The following TESPA1 variants were observed in gnomAD, a reference collection of about 807,000 sequenced individuals.
TESPA1 encodes the protein protein TESPA1.
A neutral mutation model predicts 57.9 loss-of-function variants in TESPA1; 33 were observed. That is an observed-to-expected ratio of 0.57 (90% CI 0.43 to 0.76). The LOEUF (loss-of-function observed/expected upper bound fraction) is 0.76, where lower values mean the gene tolerates loss of function less well. Among genes scored for constraint, TESPA1 ranks in the 30% least tolerant of loss-of-function variants. The probability of loss-of-function intolerance (pLI) is 0.00; values close to 1 mark genes in which losing one functional copy is unlikely to be tolerated. For missense variants in TESPA1, 618 were observed against 632.9 expected, an observed-to-expected ratio of 0.98 and a Z score of 0.25; for synonymous variants, 227 against 228.9, an observed-to-expected ratio of 0.99 and a Z score of 0.07.
At chr12:54,975,041 G>T (rs1277046173) in intron 1 of TESPA1, among the ~76,000 whole-genome samples, 1 of 151,900 alleles carries the variant, frequency 6.6e-6, no homozygotes, top group African/African-American at 2.4e-5. Context: ...TCCTCATCAA[G>T]ACATATGAAA....
rs189394745 is a variant in TESPA1 at position 54,949,447 on chromosome 12, G to A, written c.*945C>T. ...CCAAATAATATACTTCTGGAAATGCGTGCATCTTACTTCTCCCATTCTATT... is the reference window on the plus strand; with the variant it reads ...CCAAATAATATACTTCTGGAAATGCATGCATCTTACTTCTCCCATTCTATT... On this transcript the variant is annotated 3_prime_UTR_variant, in exon 11 of 11. Coordinates refer to ENST00000449076, the MANE Select transcript of TESPA1 (RefSeq NM_001136030.3). 8.7e-5 allele frequency: 13 copies of A among 148,736 alleles called. No homozygotes were observed. In the East Asian group the frequency reaches 1.2e-3, roughly 13 times the overall value. The allele number at this position is 148,736 out of a possible 1,614,324, so 9.2% of individuals were successfully genotyped here.
Position 54,974,523 on chromosome 12 carries a change from G to A in TESPA1, c.40C>T (p.Arg14Trp), listed in dbSNP as rs760153858. The A allele has an allele frequency of 7.5e-6, 12 of 1,600,092 alleles. No individual in the cohort carries two copies. Among genetic ancestry groups the A allele is most frequent in the Non-Finnish European group, 8.5e-6 (10 of 1,173,286 alleles). Residue 14 changes from arginine to tryptophan, a missense_variant, in exon 2 of 11, where the codon CGG (arginine) becomes TGG (tryptophan). Arg to Trp is a moderately radical substitution (Grantham distance 101, BLOSUM62 -3). Coordinates refer to ENST00000449076, the MANE Select transcript of TESPA1 (RefSeq NM_001136030.3). ...CGGCTCTGACGGAGCCAGGCCCGCCGTTTCTCCCAGGATGTGGGGCTCAGC... is the reference window on the plus strand; with the variant it reads ...CGGCTCTGACGGAGCCAGGCCCGCCATTTCTCCCAGGATGTGGGGCTCAGC... The part of the protein sequence containing the change: ...SVLSPTSWEK[R>W]RAWLRQSRNW...
At position 54,963,868 on chromosome 12, in the gene TESPA1, CT is replaced by C. The variant is rs779565222; in HGVS notation, c.528del (p.Asp177ThrfsTer25). 6.2e-7 allele frequency: 1 copy of C among 1,613,906 alleles called. No individual in the cohort carries two copies. The highest frequency in any genetic ancestry group is 2.2e-5 in the East Asian group (1 of 44,894). On this transcript the variant is annotated frameshift_variant, in exon 8 of 11. Coordinates refer to ENST00000449076, the MANE Select transcript of TESPA1 (RefSeq NM_001136030.3). LOFTEE classifies it high-confidence loss of function. ...AATCGGGCGGGTATCCGAGAAGTGT[CT>C]TTGTGATCCTCTTGGCCAAAGCCCA... Reference protein sequence around the residue: ...FSLGFGQEDHKDTSRIPARFF... With the variant: ...FSLGFGQEDHXDTSRIPARFF...
At chr12:54,981,738 A>C (rs1391405492) in intron 1 of TESPA1, 1 of 152,240 alleles carries the variant, frequency 6.6e-6, no homozygotes, top group Non-Finnish European at 1.5e-5. Flanking sequence ...GGAGTCACAA[A>C]GAATATTAGT....
At chr12:54,950,507 C>T (rs1440029741) in intron 10 of TESPA1, 117 bp from the exon 11 acceptor site, 3 of 348,178 alleles carry the variant, frequency 8.6e-6, no homozygotes, top group Non-Finnish European at 1.7e-5. Flanking sequence ...TTATAAGTGA[C>T]ATTTAAAGTT....
chr12:54,949,488 T>C lies in TESPA1; in HGVS notation c.*904A>G, dbSNP rs1950257375. 1 of 152,092 alleles carries C rather than the reference T, an allele frequency of 6.6e-6. No individual in the cohort carries two copies. Among genetic ancestry groups the C allele is most frequent in the African/African-American group, 2.4e-5 (1 of 41,380 alleles). 9.4% of individuals were successfully genotyped at this position (152,092 alleles called of 1,614,324 possible). ...CCATTCTATTAATATTAATATTTTCTCAGGGGAGAAATGTGTCCAAGATGC... is the reference window on the plus strand; with the variant it reads ...CCATTCTATTAATATTAATATTTTCCCAGGGGAGAAATGTGTCCAAGATGC... On this transcript the variant is annotated 3_prime_UTR_variant, in exon 11 of 11. Transcript: ENST00000449076.
intron 10 of TESPA1, among the ~76,000 whole-genome samples, chr12:54,955,344 A>G (rs72648124): frequency 0.21 from 31,208 of 152,170 alleles, 5,445 homozygotes; most frequent in East Asian, 0.84. Context: ...ATCCCTTTGA[A>G]ATGTAATTAT....
chr12:54,975,895 C>T (rs1952118180), intron 1 of TESPA1, among the ~76,000 whole-genome samples: 1 of 151,978 alleles, frequency 6.6e-6, no homozygotes, highest in Non-Finnish European at 1.5e-5. Flanking sequence ...CAAAACATAC[C>T]TAGGAAAAAA....
chr12:54,953,317 C>T lies in TESPA1; in HGVS notation c.*2-2927G>A, dbSNP rs571363806. The stretch of plus-strand genomic sequence containing the variant: ...TTTCAGTTTTGATCTTTCTCCAGCA[C>T]ATCCCCTTTCTCCCACTAGGCATAA... On this transcript the variant is annotated intron_variant, in intron 10 of 10. Transcript: ENST00000449076. 3.9e-5 allele frequency among the ~76,000 whole-genome samples: 6 copies of T among 152,250 alleles called. No homozygotes were observed. In the South Asian group the frequency reaches 1.0e-3, roughly 26 times the overall value.
chr12:54,975,813 A>G (rs1220635312), intron 1 of TESPA1, among the ~76,000 whole-genome samples: 1 of 152,228 alleles, frequency 6.6e-6, no homozygotes, highest in Non-Finnish European at 1.5e-5. Context: ...GCTTTTTTGA[A>G]AAGAACATCC....
chr12:54,965,279 A>G (rs1951353669), intron 7 of TESPA1, among the ~76,000 whole-genome samples: 2 of 152,108 alleles, frequency 1.3e-5, no homozygotes, highest in Non-Finnish European at 2.9e-5. Flanking sequence ...TGCTGCACCT[A>G]TCAACCCATC....
At chr12:54,952,354 C>A (rs1950455942) in intron 10 of TESPA1, among the ~76,000 whole-genome samples, 1 of 152,146 alleles carries the variant, frequency 6.6e-6, no homozygotes, top group South Asian at 2.1e-4. Flanking sequence ...AAGACATGAA[C>A]CTCTTTATCA....
At chr12:54,973,003 C>T (rs892753238) in intron 3 of TESPA1, among the ~76,000 whole-genome samples, 1 of 152,156 alleles carries the variant, frequency 6.6e-6, no homozygotes, top group East Asian at 1.9e-4. Context: ...CCTTGAAGTG[C>T]CTGCTCCAAT....
intron 10 of TESPA1, among the ~76,000 whole-genome samples, chr12:54,954,520 G>A (rs771876855): frequency 2.0e-5 from 3 of 152,064 alleles, no homozygotes; most frequent in Non-Finnish European, 4.4e-5. Flanking sequence ...TTACTTCCAA[G>A]GCTGCCAAGG....
intron 5 of TESPA1, among the ~76,000 whole-genome samples, 187 bp from the exon 6 acceptor site, chr12:54,966,611 C>T (rs978099358): frequency 1.3e-5 from 2 of 152,190 alleles, no homozygotes; most frequent in Non-Finnish European, 2.9e-5. Flanking sequence ...GGAATAGGGA[C>T]AGATATGCCA....
upstream of TESPA1, chr12:54,984,878 C>T (rs537166329): frequency 3.3e-5 from 5 of 152,434 alleles, no homozygotes; most frequent in East Asian, 1.9e-4. Context: ...TCCGTAGACA[C>T]GGTGCTCACA....
chr12:54,963,184 G>A lies in TESPA1; in HGVS notation c.714C>T (p.Tyr238=), dbSNP rs1436237575. 8 of 1,613,896 alleles carry A rather than the reference G, an allele frequency of 5.0e-6. No homozygotes were observed. The highest frequency in any genetic ancestry group is 3.3e-5 in the South Asian group (3 of 91,040). Residue 238 remains tyrosine (Y), a synonymous_variant, in exon 9 of 11, where the codon TAC becomes TAT. Transcript: ENST00000449076. The stretch of plus-strand genomic sequence containing the variant: ...GGACAGGTGTCTTAGACACATAGGA[G>A]TAGAGACAGAAGAAGGCATCAGCAG... The part of the protein sequence containing the change: ...AVTADAFFCL[Y]SYVSKTPVQK...
Position 54,948,276 on chromosome 12 carries a change from T to C in TESPA1, c.*2116A>G. On this transcript the variant is annotated 3_prime_UTR_variant, in exon 11 of 11. Coordinates refer to ENST00000449076, the MANE Select transcript of TESPA1 (RefSeq NM_001136030.3). ...CAGCAACAGGCCATTTTCACTTCTT[T>C]TGTGATTCTCCACTTGCTTCAGGCC... 5.8e-6 allele frequency: 1 copy of C among 172,158 alleles called. No homozygotes were observed. The allele number at this position is 172,158 out of a possible 1,614,324, so 10.7% of individuals were successfully genotyped here. A position where few individuals can be genotyped will look rare whatever the true frequency, so the allele number is the denominator to read the frequency against.
chr12:54,977,488 C>A (rs1348604652), intron 1 of TESPA1, among the ~76,000 whole-genome samples: 1 of 152,204 alleles, frequency 6.6e-6, no homozygotes, highest in Non-Finnish European at 1.5e-5. Flanking sequence ...ACAAAGATTG[C>A]ATTTTCTTGA....
Sources: allele counts gnomAD v4.1 joint callset (sites outside exome capture counted in the v4.1 genomes callset), GRCh38; gene constraint gnomAD v4.1.1; transcripts MANE v1.5; gene names NCBI Gene and HGNC (gene_info 2026-07-23, HGNC 2026-07-21).